Variants in DNAAF10 observed in about 807,000 individuals in gnomAD.
DNAAF10 encodes the protein dynein axonemal assembly factor 10.
In DNAAF10, 28 loss-of-function variants were observed where a neutral mutation model predicts 43.7. The ratio of observed to expected loss-of-function variants is 0.64; its 90% CI spans 0.48 to 0.88. The LOEUF (loss-of-function observed/expected upper bound fraction) is 0.88, where lower values mean the gene tolerates loss of function less well. Among genes scored for constraint, DNAAF10 ranks in the 40% least tolerant of loss-of-function variants. The pLI is 0.00. For missense variants in DNAAF10, 403 were observed against 439.1 expected (o/e 0.92, Z 0.73); for synonymous variants, 156 against 157.3 (o/e 0.99, Z 0.06).
intron 7 of DNAAF10, among the ~76,000 whole-genome samples, chr2:68,132,973 C>T (rs931162077): frequency 1.1e-4 from 16 of 152,122 alleles, no homozygotes; most frequent in Admixed American, 6.6e-5. Flanking sequence ...AAAACTGGGA[C>T]TAGTTCTTCA....
chr2:68,140,735 C>T (rs529843944), intron 4 of DNAAF10, among the ~76,000 whole-genome samples: 28 of 152,316 alleles, frequency 1.8e-4, no homozygotes, highest in Non-Finnish European at 3.4e-4. Context: ...CCTGAGCCAT[C>T]TCTAAGGATA....
intron 3 of DNAAF10, 33 bp from the exon 4 acceptor site, chr2:68,141,828 C>G: frequency 6.4e-7 from 1 of 1,553,952 alleles, no homozygotes; most frequent in Non-Finnish European, 8.9e-7. Flanking sequence ...GGCAAAAATT[C>G]AAAAGTAAAT....
chr2:68,157,289 T>C lies in DNAAF10; in HGVS notation c.155A>G (p.Gln52Arg), dbSNP rs773659994. Residue 52 changes from glutamine (Q) to arginine (R), a missense_variant, in exon 1 of 8, where the codon CAG (glutamine) becomes CGG (arginine). Gln to Arg is a conservative substitution (Grantham distance 43). Transcript: ENST00000295121. ...CCGAAGCAGCTTCAGGTCCCCGTGC[T>C]GGATCTCGTACAGCTGAATGACGCC... The part of the protein sequence containing the change: ...GTGVIQLYEI[Q>R]HGDLKLLREI... 1.2e-6 allele frequency: 2 copies of C among 1,614,068 alleles called. No homozygotes were observed. Among genetic ancestry groups the C allele is most frequent in the South Asian group, 2.2e-5 (2 of 91,084 alleles).
intron 4 of DNAAF10, among the ~76,000 whole-genome samples, chr2:68,140,375 A>AT (rs1447785220): frequency 6.6e-6 from 1 of 152,036 alleles, no homozygotes; most frequent in Non-Finnish European, 1.5e-5. Context: ...CCCTTGTATA[A>AT]TTTTTTCAAT....
intron 6 of DNAAF10, among the ~76,000 whole-genome samples, chr2:68,136,667 C>G (rs1293726143): frequency 6.6e-6 from 1 of 152,150 alleles, no homozygotes; most frequent in Non-Finnish European, 1.5e-5. Context: ...ATGACAGGAC[C>G]TTTCTGCATG....
rs1427536234 is a variant in DNAAF10 at position 68,130,500 on chromosome 2, A to G, written c.*738T>C. On this transcript the variant is annotated 3_prime_UTR_variant, in exon 8 of 8. Coordinates refer to ENST00000295121, the MANE Select transcript of DNAAF10 (RefSeq NM_138458.4). ...CTCACACTGAAATCTCTCAAAATGTATTTATGAAGGTTAATTCAGTTTTTC... is the reference window on the plus strand; with the variant it reads ...CTCACACTGAAATCTCTCAAAATGTGTTTATGAAGGTTAATTCAGTTTTTC... 1 of 152,362 alleles carries G rather than the reference A, an allele frequency of 6.6e-6. No individual in the cohort carries two copies. Among genetic ancestry groups the G allele is most frequent in the Non-Finnish European group, 1.5e-5 (1 of 68,022 alleles). 9.4% of individuals were successfully genotyped at this position (152,362 alleles called of 1,614,324 possible).
intron 7 of DNAAF10, chr2:68,134,417 A>G (rs1672987680): frequency 8.3e-7 from 1 of 1,197,896 alleles, no homozygotes; most frequent in South Asian, 1.9e-5. Context: ...AATCACTTCA[A>G]GATAGTATCT....
rs1453804111 is a variant in DNAAF10, at chr2:68,130,168, T to C, written c.*1070A>G. 4.8e-5 allele frequency: 7 copies of C among 146,972 alleles called. No homozygotes were observed. The highest frequency in any genetic ancestry group is 1.8e-4 in the African/African-American group (7 of 39,916). The allele number at this position is 146,972 out of a possible 1,614,324, so 9.1% of individuals were successfully genotyped here. On this transcript the variant is annotated 3_prime_UTR_variant, in exon 8 of 8. Transcript: ENST00000295121. ...TTTTTTGAGACGGAGTCTCACTCTG[T>C]CGCCAGGGCTGGAGTGCAGTGGCGC...
At chr2:68,134,087 C>G (rs910405625) in intron 7 of DNAAF10, 3 of 972,462 alleles carry the variant, frequency 3.1e-6, no homozygotes, top group African/African-American at 3.5e-5. Flanking sequence ...CATTAACTCA[C>G]AATTTTTATC....
At chr2:68,151,623 G>A (rs981416037) in intron 1 of DNAAF10, among the ~76,000 whole-genome samples, 2 of 152,110 alleles carry the variant, frequency 1.3e-5, no homozygotes, top group African/African-American at 4.8e-5. Flanking sequence ...AGGTATAAAT[G>A]ACCATCCATG....
chr2:68,139,946 CA>C (rs1270901339), intron 4 of DNAAF10, among the ~76,000 whole-genome samples: 6 of 152,160 alleles, frequency 3.9e-5, no homozygotes, highest in Non-Finnish European at 7.3e-5. Flanking sequence ...TATTTGAATG[CA>C]AACAGAAACT....
chr2:68,136,397 A>G (rs1032316316), intron 6 of DNAAF10, among the ~76,000 whole-genome samples: 1 of 152,158 alleles, frequency 6.6e-6, no homozygotes, highest in Non-Finnish European at 1.5e-5. Context: ...CAATATTATA[A>G]TTTATAGCTA....
intron 5 of DNAAF10, among the ~76,000 whole-genome samples, chr2:68,137,640 A>C (rs1673075398): frequency 6.6e-6 from 1 of 152,100 alleles, no homozygotes; most frequent in African/African-American, 2.4e-5. Context: ...AGGCCAAGGC[A>C]GGTGGATCAC....
intron 7 of DNAAF10, chr2:68,134,202 C>T (rs1672983984): frequency 2.0e-6 from 2 of 986,914 alleles, no homozygotes; most frequent in African/African-American, 1.8e-5. Context: ...GATGTTAGCG[C>T]CCTTGGGATT....
Position 68,131,277 on chromosome 2 carries a change from C to T in DNAAF10, c.1035G>A (p.Thr345=), listed in dbSNP as rs761623238. ...GCTTTGTAACGATCAGTACTCTCAC[C>T]GTTTGGTCAAATGAACTACAGACGC... ...GLCVCSSFDQ[T]VRVLIVTKLN... Residue 345 remains threonine, a synonymous_variant, in exon 8 of 8, where the codon ACG becomes ACA. Coordinates refer to ENST00000295121, the MANE Select transcript of DNAAF10 (RefSeq NM_138458.4). 7.4e-6 allele frequency: 12 copies of T among 1,613,982 alleles called. No homozygotes were observed. The highest frequency in any genetic ancestry group is 6.6e-5 in the South Asian group (6 of 91,082).
In DNAAF10 at chr2:68,138,783, T is replaced by G. The variant is rs1392127001; in HGVS notation, c.592A>C (p.Arg198=). 2 of 1,614,172 alleles carry G rather than the reference T, an allele frequency of 1.2e-6. No homozygotes were observed. ...DNGDIKLFDL[R]NMALRWETNI... is the part of the protein sequence containing the mutation. ...GTCTCCCACCGTAATGCCATATTTC[T>G]GAGATCAAATAGTTTGATATCCCCA... The change falls in exon 5 of 8, where the codon AGA becomes CGA. Residue 198 remains arginine (R), a synonymous_variant. Transcript: ENST00000295121.
At chr2:68,144,759 A>C (rs778802895) in intron 2 of DNAAF10, 44 bp from the exon 3 acceptor site, 1 of 1,573,630 alleles carries the variant, frequency 6.4e-7, no homozygotes, top group Non-Finnish European at 8.6e-7. Flanking sequence ...TCCCAAACAT[A>C]TAAGTCTACT....
rs528145668 is a variant in DNAAF10, at chr2:68,140,936, G to A, written c.517+758C>T. Among the ~76,000 whole-genome samples, 4 of 152,180 alleles carry A rather than the reference G, an allele frequency of 2.6e-5. No homozygotes were observed. The East Asian group carries it at 7.7e-4, about 29-fold the overall frequency. ...CTGACACAGCATTTATATTATATTA[G>A]GTATTATAAGTAATCTAGAGATGAT... On this transcript the variant is annotated intron_variant, in intron 4 of 7. Coordinates refer to ENST00000295121, the MANE Select transcript of DNAAF10 (RefSeq NM_138458.4).
Position 68,144,591 on chromosome 2 carries a change from G to A in DNAAF10, c.409C>T (p.Arg137Ter), listed in dbSNP as rs781414054. The change falls in exon 3 of 8, where the codon CGA becomes TGA. Residue 137 changes from arginine to a stop codon, truncating the protein, a stop_gained. Coordinates refer to ENST00000295121, the MANE Select transcript of DNAAF10 (RefSeq NM_138458.4). LOFTEE classifies it high-confidence loss of function. ...ATAGAATACAGGGACTCACCATCTC[G>A]GCTGCCAGTCACAATTTCAGGTGCT... Reference protein sequence around the residue: ...EGAPEIVTGSRDGTVKVWDPR... With the variant: ...EGAPEIVTGS 7 of 1,613,444 alleles carry A rather than the reference G, an allele frequency of 4.3e-6. No homozygotes were observed. The highest frequency in any genetic ancestry group is 2.2e-5 in the East Asian group (1 of 44,876).
Sources: allele counts gnomAD v4.1 joint callset (sites outside exome capture counted in the v4.1 genomes callset), GRCh38; gene constraint gnomAD v4.1.1; transcripts MANE v1.5; gene names NCBI Gene and HGNC (gene_info 2026-07-23, HGNC 2026-07-21).